The following BAZ2B variants were observed in gnomAD, a reference collection of about 807,000 sequenced individuals.
BAZ2B encodes the protein bromodomain adjacent to zinc finger domain 2B.
In BAZ2B, 91 loss-of-function variants were observed where a neutral mutation model predicts 246.0. The ratio of observed to expected loss-of-function variants is 0.37; its 90% CI spans 0.31 to 0.44. The LOEUF is 0.44. BAZ2B is among the 20% of genes least tolerant of loss of function. BAZ2B has a pLI of 1.00. For missense variants in BAZ2B, 2,332 were observed against 2,533.7 expected (o/e 0.92, Z 1.71); for synonymous variants, 855 against 860.0 (o/e 0.99, Z 0.10).
At chr2:159,462,598 C>A in intron 3 of BAZ2B, 1 of 882,280 alleles carries the variant, frequency 1.1e-6, no homozygotes. Context: ...GTGCGTCATT[C>A]GAAACAGTTA....
chr2:159,371,985 A>T (rs1016006800), intron 27 of BAZ2B, among the ~76,000 whole-genome samples: 1 of 152,214 alleles, frequency 6.6e-6, no homozygotes, highest in Non-Finnish European at 1.5e-5. Flanking sequence ...GATCAATCAG[A>T]ACAATTCATT....
At chr2:159,500,958 AAAAAAAG>A (rs1463086311) in intron 2 of BAZ2B, among the ~76,000 whole-genome samples, 1 of 147,940 alleles carries the variant, frequency 6.8e-6, no homozygotes, top group African/African-American at 2.5e-5. Flanking sequence ...TGTCTCAAAA[AAAAAAAG>A]AAAAAAGAAA....
At chr2:159,431,652 G>T (rs1025294377) in intron 9 of BAZ2B, among the ~76,000 whole-genome samples, 4 of 152,124 alleles carry the variant, frequency 2.6e-5, no homozygotes, top group African/African-American at 9.7e-5. Flanking sequence ...TTACATACAA[G>T]ACTTCATCAG....
intron 1 of BAZ2B, among the ~76,000 whole-genome samples, chr2:159,573,732 T>C (rs1296461485): frequency 1.3e-5 from 2 of 152,172 alleles, no homozygotes; most frequent in African/African-American, 4.8e-5. Context: ...AAGAAAATAT[T>C]TGTATATCAT....
chr2:159,700,268 T>C, the BAZ2B span, among the ~76,000 whole-genome samples: 1 of 152,234 alleles, frequency 6.6e-6, no homozygotes, highest in Admixed American at 6.5e-5. Flanking sequence ...TCAAAATCTA[T>C]GAATGCTCAA....
intron 12 of BAZ2B, 98 bp from the exon 13 acceptor site, chr2:159,428,140 A>AT: frequency 8.3e-7 from 1 of 1,209,182 alleles, no homozygotes; most frequent in Non-Finnish European, 1.2e-6. Flanking sequence ...TGCATATTCT[A>AT]TCAAGGGGCT....
chr2:159,412,952 A>G (rs2067060720), intron 13 of BAZ2B, among the ~76,000 whole-genome samples: 1 of 152,220 alleles, frequency 6.6e-6, no homozygotes, highest in East Asian at 1.9e-4. Context: ...TAATACATGA[A>G]AGTTTCTCTT....
chr2:159,344,572 G>A (rs2067418115), intron 31 of BAZ2B, among the ~76,000 whole-genome samples: 1 of 150,916 alleles, frequency 6.6e-6, no homozygotes, highest in Non-Finnish European at 1.5e-5. Flanking sequence ...TCTGCATCCC[G>A]ATGTTTACTG....
intron 27 of BAZ2B, among the ~76,000 whole-genome samples, chr2:159,355,554 C>A (rs993667099): frequency 2.0e-5 from 3 of 152,126 alleles, no homozygotes; most frequent in South Asian, 2.1e-4. Context: ...TTAACCATAT[C>A]CTAATACAAA....
chr2:159,478,558 T>TA lies in BAZ2B; in HGVS notation c.145+16dup. On this transcript the variant is annotated intron_variant, in intron 3 of 36. Coordinates refer to ENST00000392783, the MANE Select transcript of BAZ2B (RefSeq NM_013450.4). Reference sequence around the variant, plus strand: ...AAAGAATGGCATTCTAAAATTGAGTTAAAAAAGGGTATTCACCACATGGGT... The same window carrying TA: ...AAAGAATGGCATTCTAAAATTGAGTTAAAAAAAGGGTATTCACCACATGGGT... 1 of 1,572,144 alleles carries TA rather than the reference T, an allele frequency of 6.4e-7. No individual in the cohort carries two copies. The highest frequency in any genetic ancestry group is 2.3e-5 in the East Asian group (1 of 43,476).
chr2:159,406,022 G>T (rs2065878387), intron 14 of BAZ2B, among the ~76,000 whole-genome samples: 1 of 152,186 alleles, frequency 6.6e-6, no homozygotes, highest in Non-Finnish European at 1.5e-5. Context: ...AAGGATACAT[G>T]TATGAAACTA....
chr2:159,499,795 T>C (rs1370853242), intron 2 of BAZ2B, among the ~76,000 whole-genome samples: 1 of 152,194 alleles, frequency 6.6e-6, no homozygotes, highest in Admixed American at 6.5e-5. Context: ...TTTTTTCATA[T>C]GTTTGTTGGC....
At chr2:159,416,446 C>G (rs1242965460) in intron 13 of BAZ2B, among the ~76,000 whole-genome samples, 1 of 152,028 alleles carries the variant, frequency 6.6e-6, no homozygotes, top group Non-Finnish European at 1.5e-5. Flanking sequence ...TTCTTAAGCA[C>G]CAAGGCAGCA....
At chr2:159,686,848 C>G in the BAZ2B span, among the ~76,000 whole-genome samples, 1 of 152,092 alleles carries the variant, frequency 6.6e-6, no homozygotes, top group Non-Finnish European at 1.5e-5. Context: ...CGAGACCACC[C>G]TGGCTAACAT....
chr2:159,702,722 C>T, the BAZ2B span, among the ~76,000 whole-genome samples: 1 of 152,056 alleles, frequency 6.6e-6, no homozygotes, highest in Non-Finnish European at 1.5e-5. Context: ...TATCATAGGA[C>T]CCCCAATACG....
intron 3 of BAZ2B, chr2:159,464,690 C>T (rs1460356150): frequency 6.6e-6 from 1 of 152,150 alleles, no homozygotes; most frequent in Non-Finnish European, 1.5e-5. Flanking sequence ...AGAAATGATG[C>T]ACCAATACTC....
the BAZ2B span, among the ~76,000 whole-genome samples, chr2:159,672,741 G>A: frequency 6.6e-6 from 1 of 152,082 alleles, no homozygotes; most frequent in Non-Finnish European, 1.5e-5. Context: ...CAATAAAGGG[G>A]TTATCTCAGA....
chr2:159,471,432 CA>C (rs1034513569), intron 3 of BAZ2B, among the ~76,000 whole-genome samples: 3 of 151,252 alleles, frequency 2.0e-5, no homozygotes, highest in South Asian at 2.1e-4. Flanking sequence ...TGAGTCTCTA[CA>C]AAAAAAAATT....
At chr2:159,706,998 A>T in the BAZ2B span, among the ~76,000 whole-genome samples, 1 of 152,158 alleles carries the variant, frequency 6.6e-6, no homozygotes, top group African/African-American at 2.4e-5. Flanking sequence ...CAGCCCTACA[A>T]ATTTCAAACT....
Sources: allele counts gnomAD v4.1 joint callset (sites outside exome capture counted in the v4.1 genomes callset), GRCh38; gene constraint gnomAD v4.1.1; transcripts MANE v1.5; gene names NCBI Gene and HGNC (gene_info 2026-07-23, HGNC 2026-07-21).